Variants in NKAIN2 observed in about 807,000 individuals in gnomAD.
NKAIN2 encodes sodium/potassium transporting ATPase interacting 2.
A neutral mutation model predicts 32.6 loss-of-function variants in NKAIN2; 14 were observed. That is an observed-to-expected ratio of 0.43 (90% CI 0.28 to 0.67). The LOEUF is 0.67. Among genes scored for constraint, NKAIN2 ranks in the 30% least tolerant of loss-of-function variants. The probability of loss-of-function intolerance (pLI) is 0.17; values close to 1 mark genes in which losing one functional copy is unlikely to be tolerated. For missense variants in NKAIN2, 198 were observed against 258.3 expected (o/e 0.77, Z 1.60); for synonymous variants, 80 against 87.2 (o/e 0.92, Z 0.46).
At chr6:124,787,817 G>C (rs1779571642) in intron 4 of NKAIN2, among the ~76,000 whole-genome samples, 1 of 152,038 alleles carries the variant, frequency 6.6e-6, no homozygotes, top group Non-Finnish European at 1.5e-5. Context: ...TCACAGCTTT[G>C]CTTCCATTAT....
intron 4 of NKAIN2, among the ~76,000 whole-genome samples, chr6:124,680,889 A>G (rs1773586174): frequency 1.3e-5 from 2 of 151,978 alleles, no homozygotes; most frequent in Admixed American, 1.3e-4. Context: ...GAAAGAAAGG[A>G]AAAACTAGGC....
intron 1 of NKAIN2, among the ~76,000 whole-genome samples, chr6:124,165,461 G>A (rs535962444): frequency 6.6e-6 from 1 of 152,068 alleles, no homozygotes; most frequent in East Asian, 1.9e-4. Context: ...TGAAAATGAT[G>A]TGTTAGTAAA....
chr6:124,578,712 C>A (rs929554580), intron 3 of NKAIN2, among the ~76,000 whole-genome samples: 2 of 152,166 alleles, frequency 1.3e-5, no homozygotes, highest in South Asian at 2.1e-4. Flanking sequence ...AACCCTAGGG[C>A]CTTGAGTGAA....
At chr6:124,331,379 A>AAAAAAAAAAAAAAAAAAAAAAG (rs1797651235) in intron 2 of NKAIN2, among the ~76,000 whole-genome samples, 1 of 126,740 alleles carries the variant, frequency 7.9e-6, no homozygotes, top group African/African-American at 2.8e-5. Flanking sequence ...AAAAAAAAAA[A>AAAAAAAAAAAAAAAAAAAAAAG]CTAGCTGGGC....
At chr6:124,420,374 A>AGAAGT (rs1374968793) in intron 3 of NKAIN2, among the ~76,000 whole-genome samples, 1 of 152,148 alleles carries the variant, frequency 6.6e-6, no homozygotes, top group Admixed American at 6.6e-5. Context: ...ATTACTAGAA[A>AGAAGT]GAAGTGAAGT....
At chr6:124,715,389 C>G (rs1232971914) in intron 4 of NKAIN2, among the ~76,000 whole-genome samples, 1 of 152,142 alleles carries the variant, frequency 6.6e-6, no homozygotes, top group Non-Finnish European at 1.5e-5. Context: ...TTCTGACCTG[C>G]TATCTTCATG....
intron 1 of NKAIN2, among the ~76,000 whole-genome samples, chr6:124,080,574 A>C (rs1783913572): frequency 6.6e-6 from 1 of 152,108 alleles, no homozygotes; most frequent in African/African-American, 2.4e-5. Context: ...TAATCCCTTG[A>C]GTTTATATTA....
intron 4 of NKAIN2, among the ~76,000 whole-genome samples, chr6:124,707,151 C>T (rs369815647): frequency 6.6e-6 from 1 of 151,960 alleles, no homozygotes; most frequent in African/African-American, 2.4e-5. Context: ...TCATCCATGT[C>T]CCTACAAAGG....
chr6:124,027,946 G>A (rs1430053660), intron 1 of NKAIN2, among the ~76,000 whole-genome samples: 6 of 152,026 alleles, frequency 3.9e-5, no homozygotes, highest in Admixed American at 3.9e-4. Context: ...TGCAATAAAG[G>A]CAAGTCTCCT....
rs564088386 is a variant in NKAIN2 at position 124,636,359 on chromosome 6, G to A, written c.274-21827G>A. Among the ~76,000 whole-genome samples, 319 of 151,858 alleles carry A rather than the reference G, an allele frequency of 2.1e-3. 1 individual carries two copies. Among genetic ancestry groups the A allele is most frequent in the African/African-American group, 7.4e-3 (309 of 41,516 alleles). ...AGTTTTCAAATAACCCATGTACCTC[G>A]AGCATCCAGGGAAGCAAGGAAAACT... On this transcript the variant is annotated intron_variant, in intron 3 of 6. Coordinates refer to ENST00000368417, the MANE Select transcript of NKAIN2 (RefSeq NM_001040214.3).
chr6:124,734,797 G>T (rs1372867381), intron 4 of NKAIN2, among the ~76,000 whole-genome samples: 1 of 151,800 alleles, frequency 6.6e-6, no homozygotes, highest in Admixed American at 6.6e-5. Context: ...GGCAGATAAT[G>T]GATAAAAGGT....
chr6:124,075,509 A>T (rs1470772722), intron 1 of NKAIN2, among the ~76,000 whole-genome samples: 1 of 152,204 alleles, frequency 6.6e-6, no homozygotes, highest in African/African-American at 2.4e-5. Context: ...ATCTGCAATC[A>T]CCCAAGCCAT....
At chr6:124,030,487 G>A (rs1334493074) in intron 1 of NKAIN2, among the ~76,000 whole-genome samples, 2 of 152,074 alleles carry the variant, frequency 1.3e-5, no homozygotes, top group Admixed American at 1.3e-4. Context: ...TTACTCAGTG[G>A]TTCTTACTAT....
rs1240494741 is a variant in NKAIN2 at position 124,747,041 on chromosome 6, T to G, written c.475-44298T>G. Among the ~76,000 whole-genome samples, 5 of 151,996 alleles carry G rather than the reference T, an allele frequency of 3.3e-5. No individual in the cohort carries two copies. In the East Asian group the frequency reaches 9.7e-4, roughly 30 times the overall value. On this transcript the variant is annotated intron_variant, in intron 4 of 6. Transcript: ENST00000368417. ...GTATTTTTTTAAAACTACAAATGACTGGCCATTATTCTCTATGAATTAATA... is the reference window on the plus strand; with the variant it reads ...GTATTTTTTTAAAACTACAAATGACGGGCCATTATTCTCTATGAATTAATA...
intron 4 of NKAIN2, among the ~76,000 whole-genome samples, chr6:124,712,714 A>T (rs1445904787): frequency 6.6e-6 from 1 of 150,972 alleles, no homozygotes; most frequent in Non-Finnish European, 1.5e-5. Context: ...GGCACTCCCT[A>T]GTGAGATGAA....
chr6:123,874,243 A>G (rs1773054475), intron 1 of NKAIN2, among the ~76,000 whole-genome samples: 1 of 152,196 alleles, frequency 6.6e-6, no homozygotes, highest in Non-Finnish European at 1.5e-5. Flanking sequence ...TGCTGAATTC[A>G]GGCTGAATTC....
In NKAIN2 at chr6:124,532,934, C is replaced by A. The variant is rs546583335; in HGVS notation, c.274-125252C>A. ...GGGAACTATATGTGTATAAGAGTAG[C>A]CCCTTACTCTTCAGGAAAAAGATAG... On this transcript the variant is annotated intron_variant, in intron 3 of 6. Coordinates refer to ENST00000368417, the MANE Select transcript of NKAIN2 (RefSeq NM_001040214.3). Among the ~76,000 whole-genome samples the A allele has an allele frequency of 1.6e-4, 25 of 152,276 alleles. No homozygotes were observed. In the South Asian group the frequency reaches 5.2e-3, roughly 32 times the overall value.
chr6:124,515,114 A>G (rs1473214717), intron 3 of NKAIN2, among the ~76,000 whole-genome samples: 1 of 152,174 alleles, frequency 6.6e-6, no homozygotes, highest in Non-Finnish European at 1.5e-5. Context: ...TGCAGGTCAG[A>G]ATAGAGAATC....
intron 1 of NKAIN2, among the ~76,000 whole-genome samples, chr6:124,170,609 G>A (rs1788795989): frequency 6.6e-6 from 1 of 152,120 alleles, no homozygotes; most frequent in Non-Finnish European, 1.5e-5. Flanking sequence ...TAAATAAAGA[G>A]ATAGTGGCTT....
Sources: gnomAD v4.1 joint callset for allele counts (sites outside exome capture counted in the v4.1 genomes callset) on GRCh38, gnomAD v4.1.1 for gene constraint, MANE v1.5 for transcripts, NCBI Gene and HGNC (gene_info 2026-07-23, HGNC 2026-07-21) for gene names.